Variants in MYO3A observed in about 807,000 individuals in gnomAD.
MYO3A encodes the protein myosin-IIIa.
Under a neutral mutation model 192.7 loss-of-function variants are expected in MYO3A, and 180 were observed. That is an observed-to-expected ratio of 0.93 (90% CI 0.83 to 1.06). MYO3A has a LOEUF of 1.06. Among genes scored for constraint, MYO3A ranks in the 50% least tolerant of loss-of-function variants. The probability of loss-of-function intolerance (pLI) is 0.00; values close to 1 mark genes in which losing one functional copy is unlikely to be tolerated. For synonymous variants in MYO3A, 628 were observed against 645.3 expected, an observed-to-expected ratio of 0.97 and a Z score of 0.41; for missense variants, 1,896 against 1,905.0, an observed-to-expected ratio of 1.00 and a Z score of 0.09.
At chr10:26,101,617 G>C (rs1837459909) in intron 17 of MYO3A, among the ~76,000 whole-genome samples, 1 of 152,112 alleles carries the variant, frequency 6.6e-6, no homozygotes, top group Non-Finnish European at 1.5e-5. Flanking sequence ...CTCAGCATTT[G>C]CTTGTCTGTA....
At chr10:26,059,082 T>G (rs1834305593) in intron 10 of MYO3A, among the ~76,000 whole-genome samples, 1 of 152,214 alleles carries the variant, frequency 6.6e-6, no homozygotes, top group Admixed American at 6.5e-5. Flanking sequence ...CAGGAGGTTT[T>G]TATGCTGACT....
At chr10:26,030,426 A>G (rs1173532230) in intron 10 of MYO3A, among the ~76,000 whole-genome samples, 7 of 152,140 alleles carry the variant, frequency 4.6e-5, no homozygotes, top group Non-Finnish European at 8.8e-5. Flanking sequence ...TCTCTTGACC[A>G]TGGATCTTAG....
chr10:25,954,625 A>G (rs1375731398), intron 3 of MYO3A, among the ~76,000 whole-genome samples: 5 of 152,288 alleles, frequency 3.3e-5, no homozygotes, highest in Admixed American at 2.6e-4. Context: ...AAATAAAAAT[A>G]ACATTTTATT....
chr10:26,163,694 C>A (rs1841590986), intron 26 of MYO3A, among the ~76,000 whole-genome samples: 1 of 151,994 alleles, frequency 6.6e-6, no homozygotes. Flanking sequence ...TAAAGTTAAC[C>A]AGGTGGGCAT....
At chr10:26,155,208 A>G (rs2131919137) in intron 25 of MYO3A, among the ~76,000 whole-genome samples, 1 of 152,290 alleles carries the variant, frequency 6.6e-6, no homozygotes, top group Non-Finnish European at 1.5e-5. Flanking sequence ...ATCCATCTCC[A>G]TTTCATATCA....
intron 31 of MYO3A, among the ~76,000 whole-genome samples, chr10:26,180,785 A>G (rs942629162): frequency 6.6e-6 from 1 of 152,108 alleles, no homozygotes; most frequent in Non-Finnish European, 1.5e-5. Context: ...GAAGAGATGC[A>G]TAATGGAATG....
chr10:25,969,194 G>A lies in MYO3A; in HGVS notation c.303+14186G>A, dbSNP rs115260609. ...CTTGCAGTGAGCCGAGATTGCACCA[G>A]TACACTCCAGCCAGCCTGGGCAACA... On this transcript the variant is annotated intron_variant, in intron 4 of 34. Coordinates refer to ENST00000642920, the MANE Select transcript of MYO3A (RefSeq NM_017433.5). 3.4e-3 allele frequency among the ~76,000 whole-genome samples: 519 copies of A among 152,224 alleles called. 2 individuals are homozygous for A. Among genetic ancestry groups the A allele is most frequent in the African/African-American group, 0.012 (493 of 41,546 alleles).
At chr10:26,006,548 T>C (rs575631017) in intron 6 of MYO3A, among the ~76,000 whole-genome samples, 2 of 152,068 alleles carry the variant, frequency 1.3e-5, no homozygotes, top group African/African-American at 4.8e-5. Context: ...ATAAAGGGGA[T>C]ATCACCACCA....
chr10:26,048,131 A>C (rs933255395), intron 10 of MYO3A, among the ~76,000 whole-genome samples: 3 of 152,202 alleles, frequency 2.0e-5, no homozygotes, highest in African/African-American at 7.2e-5. Flanking sequence ...TTAGGTCAGA[A>C]TAATTTAGTC....
intron 17 of MYO3A, among the ~76,000 whole-genome samples, chr10:26,105,581 G>A (rs1022776585): frequency 2.4e-4 from 37 of 151,956 alleles, no homozygotes; most frequent in African/African-American, 8.0e-4. Context: ...AGGGCTCATT[G>A]AATATTATAG....
rs553435858 is a variant in MYO3A at position 26,068,912 on chromosome 10, C to T, written c.1170+28C>T. The T allele has an allele frequency of 4.1e-5, 55 of 1,343,208 alleles. 1 individual carries two copies. The South Asian group carries it at 6.4e-4, about 16-fold the overall frequency. 83.2% of individuals were successfully genotyped at this position (1,343,208 alleles called of 1,614,324 possible). A position where few individuals can be genotyped will look rare whatever the true frequency, so the allele number is the denominator to read the frequency against. On this transcript the variant is annotated intron_variant, in intron 12 of 34. Coordinates refer to ENST00000642920, the MANE Select transcript of MYO3A (RefSeq NM_017433.5). Reference sequence around the variant, plus strand: ...ATGTCGTATGGGGTGCATTCTGTTACTTCATACACATAATTATACATTCAG... The same window carrying T: ...ATGTCGTATGGGGTGCATTCTGTTATTTCATACACATAATTATACATTCAG...
intron 32 of MYO3A, among the ~76,000 whole-genome samples, chr10:26,197,746 A>G (rs906077349): frequency 3.3e-5 from 5 of 152,322 alleles, no homozygotes; most frequent in African/African-American, 1.2e-4. Context: ...TTGTATTTTT[A>G]GTAAAGCCGG....
At chr10:26,024,176 C>A in intron 9 of MYO3A, 89 bp downstream of exon 9, 1 of 1,227,794 alleles carries the variant, frequency 8.1e-7, no homozygotes, top group Non-Finnish European at 1.2e-6. Context: ...TGTTAAACAG[C>A]CCCAGAGATT....
At chr10:26,112,406 C>G (rs369811588) in intron 17 of MYO3A, among the ~76,000 whole-genome samples, 1 of 152,160 alleles carries the variant, frequency 6.6e-6, no homozygotes, top group East Asian at 1.9e-4. Context: ...CCTTTTTATC[C>G]CCAATATTGA....
At chr10:25,976,169 A>G (rs1838954097) in intron 4 of MYO3A, among the ~76,000 whole-genome samples, 1 of 152,220 alleles carries the variant, frequency 6.6e-6, no homozygotes, top group African/African-American at 2.4e-5. Context: ...CAGTTCAGTT[A>G]CTTTGGAAAC....
Position 25,955,020 on chromosome 10 carries a change from A to C in MYO3A, c.303+12A>C, listed in dbSNP as rs1024736645. ...GGTTGGTTCTTGAGGTAAGTGTGTC[A>C]GCATCATTTGTATGGGTGGAAACTT... On this transcript the variant is annotated intron_variant, in intron 4 of 34. Transcript: ENST00000642920. 2 of 1,612,432 alleles carry C rather than the reference A, an allele frequency of 1.2e-6. No homozygotes were observed. Among genetic ancestry groups the C allele is most frequent in the Admixed American group, 3.3e-5 (2 of 59,952 alleles).
intron 14 of MYO3A, among the ~76,000 whole-genome samples, chr10:26,081,870 A>G (rs1329530879): frequency 6.6e-6 from 1 of 151,756 alleles, no homozygotes; most frequent in Non-Finnish European, 1.5e-5. Context: ...TCGGGAGAGG[A>G]GGGTCTTCCT....
intron 4 of MYO3A, among the ~76,000 whole-genome samples, chr10:25,983,262 T>G (rs995646107): frequency 2.7e-5 from 3 of 111,060 alleles, no homozygotes; most frequent in East Asian, 2.0e-4. Flanking sequence ...ATGATTTTTG[T>G]TTTTTTTTTT....
chr10:26,090,440 C>T (rs1836630472), intron 15 of MYO3A, among the ~76,000 whole-genome samples: 1 of 152,098 alleles, frequency 6.6e-6, no homozygotes, highest in Admixed American at 6.5e-5. Context: ...GTTTTTTTCC[C>T]CCTAAGGAAC....
Sources: allele counts gnomAD v4.1 joint callset (sites outside exome capture counted in the v4.1 genomes callset), GRCh38; gene constraint gnomAD v4.1.1; transcripts MANE v1.5; gene names NCBI Gene and HGNC (gene_info 2026-07-23, HGNC 2026-07-21).